MADD: variants seen among roughly 807,000 people sequenced by gnomAD.
MADD encodes MAP kinase-activating death domain protein.
In MADD, 109 loss-of-function variants were observed where a neutral mutation model predicts 176.7. The observed-to-expected ratio is 0.62, with a 90% CI of 0.53 to 0.72. The LOEUF is 0.72. Among genes scored for constraint, MADD ranks in the 30% least tolerant of loss-of-function variants. The pLI, the probability that MADD is intolerant of heterozygous loss-of-function variation, is 0.00. For synonymous variants in MADD, 771 were observed against 771.3 expected, an observed-to-expected ratio of 1.00 and a Z score of 0.01; for missense variants, 1,914 against 2,045.5, an observed-to-expected ratio of 0.94 and a Z score of 1.24.
intron 5 of MADD, among the ~76,000 whole-genome samples, chr11:47,277,666 G>A (rs2051567796): frequency 6.6e-6 from 1 of 152,064 alleles, no homozygotes; most frequent in African/African-American, 2.4e-5. Flanking sequence ...TGTGCTTTGG[G>A]GCCATTATTA....
intron 19 of MADD, among the ~76,000 whole-genome samples, chr11:47,291,167 T>C (rs1198577347): frequency 6.6e-6 from 1 of 152,174 alleles, no homozygotes; most frequent in Admixed American, 6.5e-5. Flanking sequence ...AGGAAGTTTA[T>C]AGATGCATTT....
chr11:47,317,998 G>T (rs1401389583), intron 27 of MADD, among the ~76,000 whole-genome samples: 1 of 152,094 alleles, frequency 6.6e-6, no homozygotes, highest in Non-Finnish European at 1.5e-5. Context: ...TCGCACTCCT[G>T]ACCTCAAGTG....
rs757749192 is a variant in MADD, at chr11:47,281,602, C to T, written c.1318C>T (p.Gln440Ter). 1.9e-6 allele frequency: 3 copies of T among 1,612,212 alleles called. No homozygotes were observed. The highest frequency in any genetic ancestry group is 1.7e-5 in the Admixed American group (1 of 59,962). The stretch of plus-strand genomic sequence containing the variant: ...CTTGGCCAGCATGAGTCTCAACACC[C>T]AGCCCATCCTCAATCTGGAGAAATT... Residue 440 changes from glutamine (Q) to a stop codon, truncating the protein, a stop_gained, in exon 8 of 33, where the codon CAG becomes TAG. Transcript: ENST00000402192. LOFTEE classifies it high-confidence loss of function.
At chr11:47,295,329 A>G (rs2070325935) in intron 20 of MADD, among the ~76,000 whole-genome samples, 167 bp from the exon 23 acceptor site, 1 of 151,990 alleles carries the variant, frequency 6.6e-6, no homozygotes, top group African/African-American at 2.4e-5. Context: ...TTTTTTTATT[A>G]CATAAGTTGT....
rs889823254 is a variant in MADD at position 47,283,044 on chromosome 11, G to A, written c.1862+75G>A. On this transcript the variant is annotated intron_variant, in intron 10 of 32. Coordinates refer to ENST00000402192, the Ensembl canonical transcript of MADD. Reference sequence around the variant, plus strand: ...ACTAGCCCTTCTTTAGCACAGAGAAGGCAAAGTCTCATAGGCTTCCCATAT... The same window carrying A: ...ACTAGCCCTTCTTTAGCACAGAGAAAGCAAAGTCTCATAGGCTTCCCATAT... The A allele has an allele frequency of 2.1e-6, 3 of 1,426,788 alleles. No individual in the cohort carries two copies. In the African/African-American group the frequency reaches 4.3e-5, roughly 20 times the overall value. 88.4% of individuals were successfully genotyped at this position (1,426,788 alleles called of 1,614,324 possible). A position where few individuals can be genotyped will look rare whatever the true frequency, so the allele number is the denominator to read the frequency against.
intron 19 of MADD, 91 bp downstream of exon 20, chr11:47,290,907 G>A (rs1003895566): frequency 9.3e-7 from 1 of 1,073,490 alleles, no homozygotes. Context: ...GCCTTTCTCT[G>A]CCCCATGCTT....
chr11:47,324,613 TC>T (rs775565872), intron 30 of MADD, 36 bp downstream of exon 33: 18 of 1,455,980 alleles, frequency 1.2e-5, no homozygotes, highest in Non-Finnish European at 1.2e-5. Flanking sequence ...TCCCTGTCGT[TC>T]CATCTGTAAG....
chr11:47,290,337 ACT>A (rs2064079943), intron 18 of MADD, 38 bp downstream of exon 19: 2 of 1,601,658 alleles, frequency 1.2e-6, no homozygotes, highest in Non-Finnish European at 8.5e-7. Context: ...GCCATCCCTA[ACT>A]CTGCCACTTG....
chr11:47,285,721 T>C, intron 14 of MADD, 131 bp downstream of exon 14: 1 of 1,273,074 alleles, frequency 7.9e-7, no homozygotes. Context: ...AATCCAGTCA[T>C]TTGGGTGATA....
At chr11:47,283,412 T>C (rs563725843) in intron 10 of MADD, among the ~76,000 whole-genome samples, 4 of 151,398 alleles carry the variant, frequency 2.6e-5, no homozygotes, top group African/African-American at 9.7e-5. Flanking sequence ...TATTTTTGTA[T>C]GTATGTGACA....
At chr11:47,315,392 G>A (rs544141769) in intron 27 of MADD, 65 bp downstream of exon 30, 47 of 808,688 alleles carry the variant, frequency 5.8e-5, no homozygotes, top group South Asian at 4.1e-4. Context: ...TCATAGGACC[G>A]ATGCCAGGAT....
chr11:47,282,317 G>C, intron 8 of MADD, 64 bp from the exon 9 acceptor site: 1 of 1,389,464 alleles, frequency 7.2e-7, no homozygotes, highest in Non-Finnish European at 1.0e-6. Context: ...GGTGTTCTAA[G>C]ACTTTGGATC....
intron 30 of MADD, 102 bp downstream of exon 33, chr11:47,324,679 T>C: frequency 1.2e-6 from 1 of 810,602 alleles, no homozygotes; most frequent in Non-Finnish European, 2.1e-6. Context: ...GAGAGGGCCC[T>C]CTGGAGCTAG....
At chr11:47,307,725 G>A (rs2084125397) in intron 22 of MADD, among the ~76,000 whole-genome samples, 1 of 151,912 alleles carries the variant, frequency 6.6e-6, no homozygotes, top group Non-Finnish European at 1.5e-5. Context: ...CTGGAGTGCA[G>A]TGGTGCAATC....
intron 22 of MADD, among the ~76,000 whole-genome samples, chr11:47,299,668 T>C (rs768275917): frequency 2.9e-4 from 32 of 111,400 alleles, no homozygotes; most frequent in Non-Finnish European, 5.3e-4. Context: ...TAGCTGGGAC[T>C]GTAGGCATGC....
At chr11:47,316,196 T>G (rs1279280572) in intron 27 of MADD, among the ~76,000 whole-genome samples, 1 of 152,082 alleles carries the variant, frequency 6.6e-6, no homozygotes, top group South Asian at 2.1e-4. Flanking sequence ...CATAAAGATA[T>G]CTATATATAG....
chr11:47,308,795 T>A, intron 23 of MADD, 96 bp downstream of exon 25: 1 of 1,120,098 alleles, frequency 8.9e-7, no homozygotes, highest in Non-Finnish European at 1.3e-6. Context: ...GTCTTTCTGC[T>A]GATCTTAATG....
intron 22 of MADD, 91 bp from the exon 25 acceptor site, chr11:47,308,500 T>C: frequency 1.2e-6 from 1 of 809,876 alleles, no homozygotes; most frequent in Non-Finnish European, 2.0e-6. Context: ...GGATGGTGAC[T>C]GGTGTGAGAG....
chr11:47,275,138 G>A (rs747655623), exon 3 of MADD: 1 of 1,613,668 alleles, frequency 6.2e-7, no homozygotes, highest in South Asian at 1.1e-5. Context: ...AAGAAACTGG[G>A]CATCCCTCGA....
Sources: allele counts gnomAD v4.1 joint callset (sites outside exome capture counted in the v4.1 genomes callset), GRCh38; gene constraint gnomAD v4.1.1; transcripts MANE v1.5; gene names NCBI Gene and HGNC (gene_info 2026-07-23, HGNC 2026-07-21).